TPCN1: variants seen among roughly 807,000 people sequenced by gnomAD.
TPCN1 encodes the protein two pore channel protein 1.
TPCN1 carries 52 observed loss-of-function variants against 108.8 expected under a neutral mutation model. That is an observed-to-expected ratio of 0.48 (90% CI 0.38 to 0.60). The LOEUF (loss-of-function observed/expected upper bound fraction) is 0.60, where lower values mean the gene tolerates loss of function less well. TPCN1 is among the 20% of genes least tolerant of loss of function. TPCN1 has a pLI of 0.00. For missense variants in TPCN1, 806 were observed against 1,072.8 expected (o/e 0.75, Z 3.47); for synonymous variants, 446 against 433.7 (o/e 1.03, Z -0.35).
In TPCN1 at chr12:113,268,549, C is replaced by T. The variant is rs1185833503; in HGVS notation, c.529-193C>T. ...GCCCTTCCATTCTTCTGGTGCCACA[C>T]ACCTGTGCCAGCACCTGGAGTTTTT... On this transcript the variant is annotated intron_variant, in intron 5 of 27. Coordinates refer to ENST00000335509, the MANE Select transcript of TPCN1 (RefSeq NM_017901.6). The surrounding 1 kb of genome is among the most constrained non-coding windows in gnomAD (Gnocchi z 7.3). Among the ~76,000 whole-genome samples, 3 of 152,222 alleles carry T rather than the reference C, an allele frequency of 2.0e-5. No homozygotes were observed. The highest frequency in any genetic ancestry group is 7.2e-5 in the African/African-American group (3 of 41,456).
intron 13 of TPCN1, 84 bp downstream of exon 13, chr12:113,278,321 C>T (rs887818087): frequency 7.1e-5 from 88 of 1,235,772 alleles, no homozygotes; most frequent in Non-Finnish European, 1.0e-4. Flanking sequence ...CCCCGAGATC[C>T]AGCTCTCTCC....
chr12:113,279,317 A>G lies in TPCN1; in HGVS notation c.1297+482A>G, dbSNP rs559896250. Among the ~76,000 whole-genome samples, 234 of 111,450 alleles carry G rather than the reference A, an allele frequency of 2.1e-3. 1 individual carries two copies. Among genetic ancestry groups the G allele is most frequent in the African/African-American group, 3.5e-3 (101 of 29,232 alleles). The allele number at this position is 111,450 out of a possible 152,430, so 73.1% of individuals were successfully genotyped here. On this transcript the variant is annotated intron_variant, in intron 14 of 27. Coordinates refer to ENST00000335509, the MANE Select transcript of TPCN1 (RefSeq NM_017901.6). ...CATATGTGTGTGTGTGTATATATAT[A>G]TGTGTGTGTGTGTGTGTGTGTATAT...
rs1009585599 is a variant in TPCN1, at chr12:113,235,713, G to C, written c.112+8749G>C. On this transcript the variant is annotated intron_variant, in intron 2 of 27. Coordinates refer to ENST00000335509, the MANE Select transcript of TPCN1 (RefSeq NM_017901.6). Reference sequence around the variant, plus strand: ...TGGCAGTGAGATGAGTATAGAACATGCTGCTTTTGTGGTGTATAACTCTAG... The same window carrying C: ...TGGCAGTGAGATGAGTATAGAACATCCTGCTTTTGTGGTGTATAACTCTAG... 2.6e-5 allele frequency among the ~76,000 whole-genome samples: 4 copies of C among 152,128 alleles called. No homozygotes were observed. In the South Asian group the frequency reaches 8.3e-4, roughly 32 times the overall value.
chr12:113,263,263 G>T (rs970100461), intron 3 of TPCN1, among the ~76,000 whole-genome samples: 1 of 152,132 alleles, frequency 6.6e-6, no homozygotes, highest in African/African-American at 2.4e-5. Flanking sequence ...TCTAGAGGAT[G>T]AGATGGCCTG....
intron 12 of TPCN1, 96 bp from the exon 13 acceptor site, chr12:113,278,093 C>G: frequency 9.8e-7 from 1 of 1,015,328 alleles, no homozygotes; most frequent in Non-Finnish European, 1.6e-6. Context: ...TCCTCCCTCA[C>G]CCCATAAAGG....
chr12:113,260,167 C>A, intron 2 of TPCN1: 1 of 494,128 alleles, frequency 2.0e-6, no homozygotes, highest in Non-Finnish European at 3.3e-6. Context: ...GCTTTTTTCA[C>A]TTATCAAGAG....
intron 14 of TPCN1, among the ~76,000 whole-genome samples, chr12:113,279,337 GTATATATATGTGTGTGTGTGTGTATA>G (rs1160750921): frequency 5.0e-5 from 5 of 100,434 alleles, no homozygotes; most frequent in Non-Finnish European, 9.3e-5. Context: ...GTGTGTGTGT[GTATATATATGTGTGTGTGTGTGTATA>G]TATATATATA....
At chr12:113,278,060 G>C in intron 12 of TPCN1, 129 bp from the exon 13 acceptor site, 1 of 709,402 alleles carries the variant, frequency 1.4e-6, no homozygotes, top group South Asian at 1.6e-5. Context: ...GCTGTGCTGG[G>C]ACTCACATGG....
Position 113,289,147 on chromosome 12 carries a change from C to A in TPCN1, c.1796+300C>A, listed in dbSNP as rs1424879248. ...CAAGGTCAAGTCCCATGGCTTCCTC[C>A]CACTTCTCTCCTGGAGTGGCTGGGG... On this transcript the variant is annotated intron_variant, in intron 21 of 27. Transcript: ENST00000335509. The surrounding 1 kb of genome is among the most constrained non-coding windows in gnomAD (Gnocchi z 4.1). 6.6e-6 allele frequency among the ~76,000 whole-genome samples: 1 copy of A among 152,210 alleles called. No homozygotes were observed. The highest frequency in any genetic ancestry group is 1.5e-5 in the Non-Finnish European group (1 of 68,034).
chr12:113,279,385 A>ATCTT (rs1566189593), intron 14 of TPCN1, among the ~76,000 whole-genome samples: 1 of 21,754 alleles, frequency 4.6e-5, no homozygotes, highest in African/African-American at 2.6e-4. Flanking sequence ...ATATATATAT[A>ATCTT]TATATATTTT....
At chr12:113,287,280 C>T (rs1180628148) in intron 19 of TPCN1, 186 bp downstream of exon 19, 2 of 589,608 alleles carry the variant, frequency 3.4e-6, no homozygotes, top group South Asian at 2.1e-5. Flanking sequence ...GCTGCCTGTG[C>T]CCTTCCCCTC....
rs1174401980 is a variant in TPCN1, at chr12:113,290,939, C to G, written c.1913-13C>G. 5 of 1,613,572 alleles carry G rather than the reference C, an allele frequency of 3.1e-6. No homozygotes were observed. The highest frequency in any genetic ancestry group is 3.4e-6 in the Non-Finnish European group (4 of 1,179,922). On this transcript the variant is annotated splice_polypyrimidine_tract_variant and intron_variant, in intron 22 of 27. Transcript: ENST00000335509. ...GTCTCATCAGGATGCTTCTTTCTCT[C>G]TTCCCTCGGCAGTGACCCTGTTTGA... is the stretch of plus-strand genomic sequence containing the variant.
At chr12:113,277,214 C>T (rs1020199230) in intron 11 of TPCN1, 26 bp from the exon 12 acceptor site, 1 of 1,611,466 alleles carries the variant, frequency 6.2e-7, no homozygotes, top group African/African-American at 1.3e-5. Flanking sequence ...AGCCTGGGTT[C>T]CACACTGCTC....
chr12:113,287,940 C>T (rs551010133), intron 19 of TPCN1, among the ~76,000 whole-genome samples: 4 of 152,216 alleles, frequency 2.6e-5, no homozygotes, highest in South Asian at 2.1e-4. Context: ...GGAAGGACCC[C>T]GCCCAGCCGG....
intron 18 of TPCN1, 95 bp from the exon 19 acceptor site, chr12:113,286,892 C>A: frequency 1.2e-6 from 1 of 827,384 alleles, no homozygotes; most frequent in Non-Finnish European, 2.0e-6. Context: ...TGTCTGGGCT[C>A]TGTGGGAGGG....
rs1956013457 is a variant in TPCN1 at position 113,284,846 on chromosome 12, C to T, written c.1453+75C>T. ...GGAGAACTTTCATTCAGTGTAGAACCTCATGGTTCTTCTCTAAAACAGGAA... is the reference window on the plus strand; with the variant it reads ...GGAGAACTTTCATTCAGTGTAGAACTTCATGGTTCTTCTCTAAAACAGGAA... On this transcript the variant is annotated intron_variant, in intron 17 of 27. Transcript: ENST00000335509. The surrounding 1 kb of genome is among the most constrained non-coding windows in gnomAD (Gnocchi z 4.1). 6 of 1,481,056 alleles carry T rather than the reference C, an allele frequency of 4.1e-6. No individual in the cohort carries two copies. Among genetic ancestry groups the T allele is most frequent in the Non-Finnish European group, 4.7e-6 (5 of 1,060,348 alleles). The allele number at this position is 1,481,056 out of a possible 1,614,324, so 91.7% of individuals were successfully genotyped here.
rs1956169493 is a variant in TPCN1 at position 113,288,658 on chromosome 12, T to C, written c.1707-100T>C. The C allele has an allele frequency of 1.3e-6, 2 of 1,562,460 alleles. No homozygotes were observed. Among genetic ancestry groups the C allele is most frequent in the South Asian group, 1.2e-5 (1 of 85,560 alleles). Reference sequence around the variant, plus strand: ...CCAGTTGGTGAACCGACCAGGGGCATGGCCCTGCAGTCAGCCCCACGGGTC... The same window carrying C: ...CCAGTTGGTGAACCGACCAGGGGCACGGCCCTGCAGTCAGCCCCACGGGTC... On this transcript the variant is annotated intron_variant, in intron 20 of 27. Transcript: ENST00000335509. The surrounding 1 kb of genome is among the most constrained non-coding windows in gnomAD (Gnocchi z 4.8).
chr12:113,256,607 T>C (rs1954839246), intron 2 of TPCN1, among the ~76,000 whole-genome samples: 1 of 152,224 alleles, frequency 6.6e-6, no homozygotes. Flanking sequence ...CAGGCTGGCT[T>C]GAACTACTGG....
chr12:113,273,504 G>T lies in TPCN1; in HGVS notation c.843-65G>T, dbSNP rs140458256. 2 of 1,368,166 alleles carry T rather than the reference G, an allele frequency of 1.5e-6. No homozygotes were observed. The highest frequency in any genetic ancestry group is 2.3e-5 in the East Asian group (1 of 43,640). 84.8% of individuals were successfully genotyped at this position (1,368,166 alleles called of 1,614,324 possible). A position where few individuals can be genotyped will look rare whatever the true frequency, so the allele number is the denominator to read the frequency against. ...CAGACAAGGAGCTGTCCTCTGCAAG[G>T]CATGTGCTCTGAGAGGATGGAGACA... On this transcript the variant is annotated intron_variant, in intron 9 of 27. Coordinates refer to ENST00000335509, the MANE Select transcript of TPCN1 (RefSeq NM_017901.6). This position sits in a 1 kb window ranked among gnomAD's most constrained non-coding sequence, Gnocchi z 4.0.
Sources: gnomAD v4.1 joint callset for allele counts (sites outside exome capture counted in the v4.1 genomes callset) on GRCh38, gnomAD v4.1.1 for gene constraint, Gnocchi (gnomAD v3.1) non-coding constraint, MANE v1.5 for transcripts, NCBI Gene and HGNC (gene_info 2026-07-23, HGNC 2026-07-21) for gene names.